LMTK3: variants seen among roughly 807,000 people sequenced by gnomAD.
LMTK3 encodes serine/threonine-protein kinase LMTK3.
In LMTK3, 27 loss-of-function variants were observed where a neutral mutation model predicts 116.7. The observed-to-expected ratio is 0.23, with a 90% confidence interval of 0.17 to 0.32. The LOEUF is 0.32. LMTK3 is among the 10% of genes least tolerant of loss of function. LMTK3 has a pLI of 1.00. For missense variants in LMTK3, 1,764 were observed against 2,068.5 expected (o/e 0.85, Z 2.86); for synonymous variants, 965 against 971.0 (o/e 0.99, Z 0.11).
In LMTK3 at chr19:48,498,649, A is replaced by G; in HGVS notation, c.2420T>C (p.Phe807Ser). 6.5e-7 allele frequency: 1 copy of G among 1,540,714 alleles called. No homozygotes were observed. The highest frequency in any genetic ancestry group is 1.4e-5 in the African/African-American group (1 of 71,942). Residue 807 changes from phenylalanine to serine, a missense_variant, in exon 11 of 15, where the codon TTC becomes TCC. Transcript: ENST00000600059. Reference sequence around the variant, plus strand: ...CTCCTCGGCCGCCCCCCCACCTGGGAAGGCTCCCTCTGGGGAAAAAGGGGT... The same window carrying G: ...CTCCTCGGCCGCCCCCCCACCTGGGGAGGCTCCCTCTGGGGAAAAAGGGGT... ...TETPFSPEGA[F>S]PGGGAAEEEG...
At chr19:48,501,250 C>A (rs1175278778) in intron 9 of LMTK3, 33 bp downstream of exon 9, 1 of 1,611,014 alleles carries the variant, frequency 6.2e-7, no homozygotes, top group South Asian at 1.1e-5. Flanking sequence ...ACCTTCCTGG[C>A]CTGCCTCGGC....
At position 48,498,737 on chromosome 19, in the gene LMTK3, T is replaced by C. The variant is rs1972388961; in HGVS notation, c.2332A>G (p.Ser778Gly). 7 of 1,347,396 alleles carry C rather than the reference T, an allele frequency of 5.2e-6. No individual in the cohort carries two copies. Among genetic ancestry groups the C allele is most frequent in the Non-Finnish European group, 6.8e-6 (7 of 1,035,580 alleles). 83.5% of individuals were successfully genotyped at this position (1,347,396 alleles called of 1,614,324 possible). ...ASPDPPSAVA[S>G]PGSGLSSPGP... ...GGCGACGAGAGGCCTGAACCGGGACTGGCCACGGCCGAAGGGGGGTCGGGG... is the reference window on the plus strand; with the variant it reads ...GGCGACGAGAGGCCTGAACCGGGACCGGCCACGGCCGAAGGGGGGTCGGGG... The change falls in exon 11 of 15, where the codon AGT (serine) becomes GGT (glycine). Residue 778 changes from serine (S) to glycine (G), a missense_variant. Physicochemically the swap from Ser to Gly is moderately conservative, Grantham distance 56 (BLOSUM62 0). Coordinates refer to ENST00000600059, the MANE Select transcript of LMTK3 (RefSeq NM_001388485.1).
rs1397561759 is a variant in LMTK3, at chr19:48,493,894, CCGCCGCGCCCGG to C, written c.3880_3891del (p.Pro1294_Ala1297del). 5.7e-5 allele frequency: 59 copies of C among 1,044,068 alleles called. 2 individuals are homozygous for C. The highest frequency in any genetic ancestry group is 3.4e-4 in the Admixed American group (6 of 17,876). 64.7% of individuals were successfully genotyped at this position (1,044,068 alleles called of 1,614,324 possible). A position where few individuals can be genotyped will look rare whatever the true frequency, so the allele number is the denominator to read the frequency against. On this transcript the variant is annotated inframe_deletion, in exon 12 of 15. Coordinates refer to ENST00000600059, the MANE Select transcript of LMTK3 (RefSeq NM_001388485.1). ...GCCCTCCCGGGGCCCCGCGGCCCCG[CCGCCGCGCCCGG>C]CGCCGCCGCCTCCTCGTCCTCCTCC...
rs1972110812 is a variant in LMTK3 at position 48,485,713 on chromosome 19, C to G, written c.*60G>C. On this transcript the variant is annotated 3_prime_UTR_variant, in exon 15 of 15. Coordinates refer to ENST00000600059, the MANE Select transcript of LMTK3 (RefSeq NM_001388485.1). ...GTGGTGGCAGTGGCGCCGTCATCCACAGAGGATTCCATTCTCAACCCCTCT... is the reference window on the plus strand; with the variant it reads ...GTGGTGGCAGTGGCGCCGTCATCCAGAGAGGATTCCATTCTCAACCCCTCT... 6.3e-7 allele frequency: 1 copy of G among 1,579,736 alleles called. No homozygotes were observed.
chr19:48,513,437 C>G (rs1168604864), upstream of LMTK3: 1 of 543,052 alleles, frequency 1.8e-6, no homozygotes, highest in Non-Finnish European at 3.3e-6. This position sits in a 1 kb window ranked among gnomAD's most constrained non-coding sequence, Gnocchi z 5.6. Context: ...GGAACCCGGT[C>G]CATCGGGGAC....
In LMTK3 at chr19:48,498,293, C is replaced by T. The variant is rs1458246039; in HGVS notation, c.2776G>A (p.Val926Met). 3 of 1,613,172 alleles carry T rather than the reference C, an allele frequency of 1.9e-6. No homozygotes were observed. Among genetic ancestry groups the T allele is most frequent in the African/African-American group, 1.3e-5 (1 of 74,852 alleles). The change falls in exon 11 of 15, where the codon GTG (valine) becomes ATG (methionine). Residue 926 changes from valine to methionine, a missense_variant. Transcript: ENST00000600059. ...APSLSLPVNG[V>M]TVLENGDQRA... The stretch of plus-strand genomic sequence containing the variant: ...TGGTCCCCGTTCTCCAGCACTGTCA[C>T]CCCGTTCACTGGGAGGCTCAGGCTT...
At chr19:48,513,151 G>T (rs759676387), upstream of LMTK3, 10 of 1,602,478 alleles carry the variant, frequency 6.2e-6, no homozygotes, top group Non-Finnish European at 8.5e-6. The surrounding 1 kb of genome is among the most constrained non-coding windows in gnomAD (Gnocchi z 5.6). Context: ...TTTCCCGTGC[G>T]GTTACGCAGA....
intron 5 of LMTK3, among the ~76,000 whole-genome samples, chr19:48,503,205 G>A (rs935804168): frequency 6.6e-6 from 1 of 152,292 alleles, no homozygotes; most frequent in South Asian, 2.1e-4. Context: ...GCGCCACCAC[G>A]CCTGGCTAAT....
rs117515019 is a variant in LMTK3 at position 48,508,651 on chromosome 19, C to T, written c.557+200G>A. 5.6e-4 allele frequency among the ~76,000 whole-genome samples: 86 copies of T among 152,264 alleles called. 1 individual carries two copies. In the East Asian group the frequency reaches 0.015, roughly 27 times the overall value. On this transcript the variant is annotated intron_variant, in intron 5 of 14. Transcript: ENST00000600059. ...GCCTCTAGCTCAGCTTCTGTGCTCCCGCCTCCTCCACCATCCTGCCTCTCA... is the reference window on the plus strand; with the variant it reads ...GCCTCTAGCTCAGCTTCTGTGCTCCTGCCTCCTCCACCATCCTGCCTCTCA...
At chr19:48,502,637 C>A in intron 6 of LMTK3, 56 bp from the exon 7 acceptor site, 1 of 1,503,502 alleles carries the variant, frequency 6.7e-7, no homozygotes, top group South Asian at 1.3e-5. Context: ...TCCAGCTAGT[C>A]GGCCCGGAGG....
In LMTK3 at chr19:48,498,643, C is replaced by G. The variant is rs1199222773; in HGVS notation, c.2426G>C (p.Gly809Ala). The G allele has an allele frequency of 7.1e-6, 11 of 1,542,212 alleles. No individual in the cohort carries two copies. The highest frequency in any genetic ancestry group is 9.6e-6 in the Non-Finnish European group (11 of 1,144,580). The change falls in exon 11 of 15, where the codon GGT (glycine) becomes GCT (alanine). Residue 809 changes from glycine to alanine, a missense_variant. Gly to Ala is a moderately conservative substitution (Grantham distance 60). Around this residue, in one of 7 missense-constraint regions of LMTK3, gnomAD observed 1,028 missense variants for 1,050.6 expected, o/e 0.98. Transcript: ENST00000600059. ...CCCTTCCTCCTCGGCCGCCCCCCCA[C>G]CTGGGAAGGCTCCCTCTGGGGAAAA... Reference protein sequence around the residue: ...TPFSPEGAFPGGGAAEEEGVP... With the variant: ...TPFSPEGAFPAGGAAEEEGVP...
intron 5 of LMTK3, among the ~76,000 whole-genome samples, chr19:48,504,147 C>T (rs1363451791): frequency 2.6e-5 from 4 of 152,190 alleles, no homozygotes; most frequent in Non-Finnish European, 4.4e-5. Flanking sequence ...GGATTACAGG[C>T]GTGAACCACC....
chr19:48,494,592 G>A lies in LMTK3; in HGVS notation c.3677-483C>T, dbSNP rs1397861426. Among the ~76,000 whole-genome samples, 1 of 152,188 alleles carries A rather than the reference G, an allele frequency of 6.6e-6. No homozygotes were observed. The highest frequency in any genetic ancestry group is 6.5e-5 in the Admixed American group (1 of 15,272). ...GATCTGCCCTCTTTGGCCTCCCAAA[G>A]TGCTGGGATTACAGGCATGAGCCAC... On this transcript the variant is annotated intron_variant, in intron 11 of 14. Coordinates refer to ENST00000600059, the MANE Select transcript of LMTK3 (RefSeq NM_001388485.1). The surrounding 1 kb of genome is among the most constrained non-coding windows in gnomAD (Gnocchi z 4.0).
Position 48,491,023 on chromosome 19 carries a change from T to G in LMTK3, c.4366+85A>C. ...GACTGGGAAGAGAGAGGCAGGGACA[T>G]TGAAAGATGGTCACAAGAAGTTGGC... On this transcript the variant is annotated intron_variant, in intron 14 of 14. Transcript: ENST00000600059. The surrounding 1 kb of genome is among the most constrained non-coding windows in gnomAD (Gnocchi z 5.1). The G allele has an allele frequency of 1.1e-6, 1 of 886,938 alleles. No homozygotes were observed. 54.9% of individuals were successfully genotyped at this position (886,938 alleles called of 1,614,324 possible).
rs1601047069 is a variant in LMTK3, at chr19:48,497,702, G to C, written c.3367C>G (p.Pro1123Ala). 2 of 1,320,228 alleles carry C rather than the reference G, an allele frequency of 1.5e-6. No individual in the cohort carries two copies. The highest frequency in any genetic ancestry group is 1.9e-6 in the Non-Finnish European group (2 of 1,039,118). The allele number at this position is 1,320,228 out of a possible 1,614,324, so 81.8% of individuals were successfully genotyped here. A position where few individuals can be genotyped will look rare whatever the true frequency, so the allele number is the denominator to read the frequency against. Reference protein sequence around the residue: ...GRAPVGTGTAPGGGPGSGVDA... With the variant: ...GRAPVGTGTAAGGGPGSGVDA... Reference sequence around the variant, plus strand: ...ACGCCGCTTCCGGGGCCGCCGCCGGGGGCCGTCCCCGTGCCCACTGGGGCT... The same window carrying C: ...ACGCCGCTTCCGGGGCCGCCGCCGGCGGCCGTCCCCGTGCCCACTGGGGCT... The change falls in exon 11 of 15, where the codon CCC (proline) becomes GCC (alanine). Residue 1123 changes from proline to alanine, a missense_variant. Transcript: ENST00000600059. The surrounding 1 kb of genome is among the most constrained non-coding windows in gnomAD (Gnocchi z 5.7).
Position 48,500,550 on chromosome 19 carries a change from G to A in LMTK3, c.1151+446C>T, listed in dbSNP as rs1215913833. 6.6e-6 allele frequency among the ~76,000 whole-genome samples: 1 copy of A among 152,220 alleles called. No homozygotes were observed. The highest frequency in any genetic ancestry group is 1.9e-4 in the East Asian group (1 of 5,196). ...AAAAAGTGGGGCAGAGATCCAGGGAGAAGAGGGGACAGCAGACGGTAGAGA... is the reference window on the plus strand; with the variant it reads ...AAAAAGTGGGGCAGAGATCCAGGGAAAAGAGGGGACAGCAGACGGTAGAGA... On this transcript the variant is annotated intron_variant, in intron 10 of 14. Transcript: ENST00000600059. This position sits in a 1 kb window ranked among gnomAD's most constrained non-coding sequence, Gnocchi z 4.0.
intron 14 of LMTK3, among the ~76,000 whole-genome samples, chr19:48,489,661 G>A (rs566999926): frequency 1.3e-5 from 2 of 152,346 alleles, no homozygotes; most frequent in East Asian, 1.9e-4. Flanking sequence ...GGAGGATTAA[G>A]CCATTTAATT....
At chr19:48,513,040 T>C, upstream of LMTK3, 1 of 964,990 alleles carries the variant, frequency 1.0e-6, no homozygotes, top group Non-Finnish European at 1.6e-6. This position sits in a 1 kb window ranked among gnomAD's most constrained non-coding sequence, Gnocchi z 5.6. Context: ...ACACATCACA[T>C]ACATAAACAC....
chr19:48,485,508 G>A lies in LMTK3; in HGVS notation c.*265C>T. On this transcript the variant is annotated 3_prime_UTR_variant, in exon 15 of 15. Transcript: ENST00000600059. ...GTTCAGTTCAGTTCCGAGAAAGGCG[G>A]CTCTCTATGGAGGGGCGGGGGGATT... 5.9e-6 allele frequency: 3 copies of A among 508,764 alleles called. No individual in the cohort carries two copies. Among genetic ancestry groups the A allele is most frequent in the South Asian group, 2.1e-5 (1 of 47,336 alleles). 31.5% of individuals were successfully genotyped at this position (508,764 alleles called of 1,614,324 possible).
Sources: allele counts gnomAD v4.1 joint callset (sites outside exome capture counted in the v4.1 genomes callset), GRCh38; gene constraint gnomAD v4.1.1; regional missense constraint gnomAD v4.1.1; non-coding constraint Gnocchi (gnomAD v3.1); transcripts MANE v1.5; gene names NCBI Gene and HGNC (gene_info 2026-07-23, HGNC 2026-07-21).